Variants in NEDD4L observed in about 807,000 individuals in gnomAD.
NEDD4L encodes NEDD4 like E3 ubiquitin protein ligase.
Under a neutral mutation model 148.9 loss-of-function variants are expected in NEDD4L, and 54 were observed. The observed-to-expected ratio is 0.36, with a 90% confidence interval of 0.29 to 0.45. The LOEUF (loss-of-function observed/expected upper bound fraction) is 0.45. Among genes scored for constraint, NEDD4L ranks in the 20% least tolerant of loss-of-function variants. The pLI, the probability that NEDD4L is intolerant of heterozygous loss-of-function variation, is 1.00. For missense variants in NEDD4L, 856 were observed against 1,233.8 expected, an observed-to-expected ratio of 0.69 and a Z score of 4.59; for synonymous variants, 433 against 440.7, an observed-to-expected ratio of 0.98 and a Z score of 0.22.
intron 24 of NEDD4L, among the ~76,000 whole-genome samples, chr18:58,380,404 A>C (rs9959537): frequency 0.027 from 4,152 of 151,402 alleles, 184 homozygotes; most frequent in African/African-American, 0.096. Flanking sequence ...GTGCAACCTC[A>C]GCCCCCTGGG....
intron 28 of NEDD4L, among the ~76,000 whole-genome samples, chr18:58,389,756 C>T (rs544189500): frequency 6.7e-6 from 1 of 148,906 alleles, no homozygotes; most frequent in East Asian, 2.0e-4. Flanking sequence ...AAAAAAAAAA[C>T]AGTTATCCCC....
Position 58,348,299 on chromosome 18 carries a change from T to TA in NEDD4L, c.1576-1237dup, listed in dbSNP as rs561953683. 1.3e-3 allele frequency among the ~76,000 whole-genome samples: 199 copies of TA among 151,126 alleles called. 1 individual carries two copies. Among genetic ancestry groups the TA allele is most frequent in the African/African-American group, 4.8e-3 (196 of 41,076 alleles). ...AAGTGTGAGCCACTGCATCTGGCCT[T>TA]ACACTGCATTTCTTTTTCTTTTTTT... On this transcript the variant is annotated intron_variant, in intron 16 of 30. Transcript: ENST00000400345.
At chr18:58,358,012 C>T (rs751054318) in intron 19 of NEDD4L, among the ~76,000 whole-genome samples, 6 of 152,096 alleles carry the variant, frequency 3.9e-5, no homozygotes, top group African/African-American at 7.2e-5. Context: ...AGTTGTACTG[C>T]GATCAGCAGA....
intron 1 of NEDD4L, among the ~76,000 whole-genome samples, chr18:58,049,189 G>A (rs1241434729): frequency 6.6e-6 from 1 of 152,224 alleles, no homozygotes; most frequent in Non-Finnish European, 1.5e-5. Context: ...AAGTCAACGA[G>A]TAGTCAGATT....
chr18:58,221,807 T>A, intron 2 of NEDD4L: 1 of 751,726 alleles, frequency 1.3e-6, no homozygotes, highest in Non-Finnish European at 1.6e-6. Flanking sequence ...GCATAACATC[T>A]GTTCTTGGTG....
chr18:58,361,465 C>T (rs1398892650), intron 19 of NEDD4L, among the ~76,000 whole-genome samples: 2 of 152,150 alleles, frequency 1.3e-5, no homozygotes, highest in East Asian at 1.9e-4. Context: ...TATAATCAGC[C>T]GACTTGAAAC....
At chr18:58,364,386 C>T in intron 20 of NEDD4L, 53 bp downstream of exon 20, 3 of 1,116,326 alleles carry the variant, frequency 2.7e-6, no homozygotes, top group Non-Finnish European at 2.6e-6. Flanking sequence ...TGTAAGTTAC[C>T]ACAGTCACTT....
rs2050750352 is a variant in NEDD4L at position 58,400,031 on chromosome 18, G to C, written c.*3762G>C. 6.6e-6 allele frequency: 1 copy of C among 152,272 alleles called. No individual in the cohort carries two copies. The highest frequency in any genetic ancestry group is 2.4e-5 in the African/African-American group (1 of 41,454). The allele number at this position is 152,272 out of a possible 1,614,324, so 9.4% of individuals were successfully genotyped here. ...TTAAAAACGTATAAAGAGAGCCTGG[G>C]TTAATCAGTTCTGCAGCCCCTACGT... On this transcript the variant is annotated 3_prime_UTR_variant, in exon 31 of 31. Coordinates refer to ENST00000400345, the MANE Select transcript of NEDD4L (RefSeq NM_001144967.3).
chr18:58,378,892 C>T (rs547853066), intron 24 of NEDD4L, among the ~76,000 whole-genome samples: 95 of 152,296 alleles, frequency 6.2e-4, no homozygotes, highest in African/African-American at 2.3e-3. Context: ...TGTTAACTGG[C>T]CAAGGCAGGG....
chr18:58,056,894 C>CTTTTTTTTTTTT lies in NEDD4L; in HGVS notation c.48+12191_48+12202dup, dbSNP rs74183230. 8.0e-4 allele frequency among the ~76,000 whole-genome samples: 97 copies of CTTTTTTTTTTTT among 121,558 alleles called. 1 individual carries two copies. The highest frequency in any genetic ancestry group is 1.4e-3 in the East Asian group (5 of 3,508). The allele number at this position is 121,558 out of a possible 152,430, so 79.7% of individuals were successfully genotyped here. A position where few individuals can be genotyped will look rare whatever the true frequency, so the allele number is the denominator to read the frequency against. On this transcript the variant is annotated intron_variant, in intron 1 of 30. Transcript: ENST00000400345. ...CCATGCCCAGCCAGAGCTATGCCCT[C>CTTTTTTTTTTTT]TTTTTTTTTTTTTTTTGTTTGTTTG...
chr18:58,233,943 TCTGTGC>T (rs60149772), intron 2 of NEDD4L, among the ~76,000 whole-genome samples: 75,751 of 151,078 alleles, frequency 0.5, 20,389 homozygotes, highest in African/African-American at 0.72. Context: ...TCGTCTTTCC[TCTGTGC>T]CTGTGCCTGT....
intron 2 of NEDD4L, among the ~76,000 whole-genome samples, chr18:58,213,453 A>G (rs568270832): frequency 2.6e-5 from 4 of 152,356 alleles, no homozygotes; most frequent in South Asian, 2.1e-4. Flanking sequence ...ATGAGAAGCA[A>G]TGTGTAGAAA....
intron 16 of NEDD4L, among the ~76,000 whole-genome samples, chr18:58,346,822 C>A (rs944569037): frequency 6.6e-6 from 1 of 152,000 alleles, no homozygotes. Flanking sequence ...GCATCAGAGC[C>A]CTCGTTAGTA....
intron 2 of NEDD4L, chr18:58,190,026 A>G (rs541620354): frequency 1.6e-4 from 25 of 152,362 alleles, no homozygotes; most frequent in Non-Finnish European, 3.1e-4. Flanking sequence ...GGGAAAAAAG[A>G]TATAATTAGA....
chr18:58,249,000 A>T (rs183260922), intron 4 of NEDD4L, 63 bp downstream of exon 4: 9 of 771,546 alleles, frequency 1.2e-5, no homozygotes, highest in Admixed American at 3.0e-5. Flanking sequence ...ATCACAGTCA[A>T]TTCATCTTGA....
chr18:58,366,181 C>T lies in NEDD4L; in HGVS notation c.2016C>T (p.Ser672=). 1 of 1,613,142 alleles carries T rather than the reference C, an allele frequency of 6.2e-7. No homozygotes were observed. The highest frequency in any genetic ancestry group is 8.5e-7 in the Non-Finnish European group (1 of 1,179,546). ...CCAGAGAATGGTTCTTCTTACTGTC[C>T]AAAGAGATGTTCAACCCCTACTACG... The part of the protein sequence containing the change: ...GVAREWFFLL[S]KEMFNPYYGL... Residue 672 remains serine (S), a synonymous_variant, in exon 21 of 31, where the codon TCC becomes TCT. Transcript: ENST00000400345. The surrounding 1 kb of genome is among the most constrained non-coding windows in gnomAD (Gnocchi z 4.2).
chr18:58,322,287 A>C, intron 6 of NEDD4L, 138 bp from the exon 7 acceptor site: 1 of 686,584 alleles, frequency 1.5e-6, no homozygotes, highest in Non-Finnish European at 2.6e-6. Flanking sequence ...GTGGACTGTC[A>C]GGTACCAAGT....
chr18:58,100,774 G>C (rs1188638588), intron 1 of NEDD4L, among the ~76,000 whole-genome samples: 2 of 151,872 alleles, frequency 1.3e-5, no homozygotes, highest in African/African-American at 4.8e-5. Flanking sequence ...CCTTTTAGGG[G>C]GCAGAAAAGA....
chr18:58,085,437 C>A (rs977184844), intron 1 of NEDD4L, among the ~76,000 whole-genome samples: 2 of 152,112 alleles, frequency 1.3e-5, no homozygotes, highest in African/African-American at 4.8e-5. Flanking sequence ...CAGGAAAATT[C>A]ATCTCTGCGC....
Sources: gnomAD v4.1 joint callset for allele counts (sites outside exome capture counted in the v4.1 genomes callset) on GRCh38, gnomAD v4.1.1 for gene constraint, Gnocchi (gnomAD v3.1) non-coding constraint, MANE v1.5 for transcripts, NCBI Gene and HGNC (gene_info 2026-07-23, HGNC 2026-07-21) for gene names.